Variants in PCDHA8 observed in about 807,000 individuals in gnomAD.
PCDHA8 encodes protocadherin alpha-8.
In PCDHA8, 53 loss-of-function variants were observed where a neutral mutation model predicts 61.8. The observed-to-expected ratio is 0.86, with a 90% CI of 0.69 to 1.08. The LOEUF is 1.08. PCDHA8 is among the 50% of genes least tolerant of loss of function. The pLI is 0.00. For synonymous variants in PCDHA8, 618 were observed against 556.6 expected (o/e 1.11, Z -1.55); for missense variants, 1,293 against 1,245.0 (o/e 1.04, Z -0.58).
rs1554217734 is a variant in PCDHA8, at chr5:140,946,611, AATATATAT to A, written c.2395-32324_2395-32317del. Among the ~76,000 whole-genome samples, 24 of 86,806 alleles carry A rather than the reference AATATATAT, an allele frequency of 2.8e-4. 1 individual carries two copies. Among genetic ancestry groups the A allele is most frequent in the African/African-American group, 1.5e-3 (23 of 15,698 alleles). 56.9% of individuals were successfully genotyped at this position (86,806 alleles called of 152,430 possible). On this transcript the variant is annotated intron_variant, in intron 1 of 3. Coordinates refer to ENST00000531613, the MANE Select transcript of PCDHA8 (RefSeq NM_018911.3). ...GGATGAATAGATAAAGAAAATGTGA[AATATATAT>A]ATATATATATATACAATGGAATACT... is the stretch of plus-strand genomic sequence containing the variant.
At chr5:140,883,106 T>C (rs782515785) in intron 1 of PCDHA8, 3 of 1,614,124 alleles carry the variant, frequency 1.9e-6, no homozygotes, top group Non-Finnish European at 2.5e-6. Context: ...TATAGTTTAC[T>C]CATTTAGAAG....
At chr5:140,887,059 C>G (rs1474485995) in intron 1 of PCDHA8, among the ~76,000 whole-genome samples, 1 of 151,642 alleles carries the variant, frequency 6.6e-6, no homozygotes, top group Non-Finnish European at 1.5e-5. Flanking sequence ...TATGTTCTGG[C>G]AACAAATTCA....
At chr5:140,926,947 G>C in intron 1 of PCDHA8, 1 of 1,590,600 alleles carries the variant, frequency 6.3e-7, no homozygotes, top group Non-Finnish European at 8.6e-7. Context: ...CGGCGCTGCA[G>C]CGGGACAGCT....
intron 1 of PCDHA8, chr5:140,856,526 G>C (rs1461628453): frequency 6.3e-7 from 1 of 1,598,340 alleles, no homozygotes; most frequent in Non-Finnish European, 8.6e-7. Context: ...ATCTGATGCG[G>C]ATGTTGGAGA....
At chr5:140,851,067 G>T in intron 1 of PCDHA8, 7 of 1,367,668 alleles carry the variant, frequency 5.1e-6, no homozygotes, top group Non-Finnish European at 6.7e-6. Context: ...CTTCTAGTGA[G>T]AATTATAAAC....
intron 1 of PCDHA8, among the ~76,000 whole-genome samples, chr5:140,886,356 T>C (rs1457178977): frequency 1.3e-5 from 2 of 152,194 alleles, no homozygotes; most frequent in South Asian, 2.1e-4. Flanking sequence ...GTTTGTTACA[T>C]AGGTGTACAT....
intron 1 of PCDHA8, chr5:140,848,442 T>C: frequency 1.3e-6 from 2 of 1,489,558 alleles, no homozygotes; most frequent in Non-Finnish European, 1.8e-6. Context: ...ATCAGATGAT[T>C]TCTTCTAATT....
At chr5:140,966,172 G>A in intron 1 of PCDHA8, 1 of 184,672 alleles carries the variant, frequency 5.4e-6, no homozygotes, top group East Asian at 1.4e-4. Context: ...TTTTCCTGGG[G>A]AGCTGATAGC....
intron 1 of PCDHA8, among the ~76,000 whole-genome samples, chr5:140,903,212 A>G (rs1387552422): frequency 6.6e-6 from 1 of 152,192 alleles, no homozygotes; most frequent in African/African-American, 2.4e-5. Context: ...CACCACATTC[A>G]TGCCAACATC....
intron 1 of PCDHA8, chr5:140,861,476 C>T: frequency 2.0e-6 from 1 of 493,226 alleles, no homozygotes; most frequent in South Asian, 1.5e-5. Flanking sequence ...TGCAGAATGG[C>T]ATTTTTGTGA....
chr5:140,892,310 A>AT (rs1422110989), intron 1 of PCDHA8, among the ~76,000 whole-genome samples: 1 of 152,230 alleles, frequency 6.6e-6, no homozygotes, highest in Non-Finnish European at 1.5e-5. Flanking sequence ...TTTGGGGCTT[A>AT]TAACATTTTC....
In PCDHA8 at chr5:140,849,582, G is replaced by T. The variant is rs2150441329; in HGVS notation, c.2394+5867G>T. 1.0e-5 allele frequency: 16 copies of T among 1,598,576 alleles called. 1 individual carries two copies. Among genetic ancestry groups the T allele is most frequent in the African/African-American group, 1.3e-5 (1 of 74,328 alleles). On this transcript the variant is annotated intron_variant, in intron 1 of 3. Transcript: ENST00000531613. ...GCTCTCGGTTCCTGTAAAAGAGGAC[G>T]CACAACTGGGGACAGTTATTGCCCT...
intron 1 of PCDHA8, chr5:140,852,273 G>A: frequency 4.0e-6 from 2 of 502,850 alleles, no homozygotes; most frequent in Non-Finnish European, 5.3e-6. Context: ...AATATTACAT[G>A]TTTTTTGTCT....
chr5:140,876,031 G>C, intron 1 of PCDHA8: 2 of 1,613,702 alleles, frequency 1.2e-6, no homozygotes, highest in Non-Finnish European at 1.7e-6. Flanking sequence ...AACAAAAAAA[G>C]ATAAAAGTAT....
Position 140,994,560 on chromosome 5 carries a change from C to T in PCDHA8, c.2542+11997C>T, listed in dbSNP as rs140191916. Among the ~76,000 whole-genome samples, 970 of 152,032 alleles carry T rather than the reference C, an allele frequency of 6.4e-3. 14 individuals carry two copies. Among genetic ancestry groups the T allele is most frequent in the African/African-American group, 0.023 (943 of 41,474 alleles). On this transcript the variant is annotated intron_variant, in intron 3 of 3. Coordinates refer to ENST00000531613, the MANE Select transcript of PCDHA8 (RefSeq NM_018911.3). ...TCTACAAAAAAAATATAAAAATTAG[C>T]CGGGTGTGGTGGCATGCACTTGTAG...
At chr5:140,856,003 T>G (rs1554148087) in intron 1 of PCDHA8, 3 of 1,536,896 alleles carry the variant, frequency 2.0e-6, no homozygotes, top group Non-Finnish European at 2.6e-6. Flanking sequence ...CGTATGTGCG[T>G]TCTAGACCGC....
In PCDHA8 at chr5:140,852,910, G is replaced by C. The variant is rs2150524838; in HGVS notation, c.2394+9195G>C. 404 of 797,110 alleles carry C rather than the reference G, an allele frequency of 5.1e-4. 8 individuals are homozygous for C. In the South Asian group the frequency reaches 0.02, roughly 39 times the overall value. 49.4% of individuals were successfully genotyped at this position (797,110 alleles called of 1,614,324 possible). A position where few individuals can be genotyped will look rare whatever the true frequency, so the allele number is the denominator to read the frequency against. ...ATTTTTTTTTTTGAGTCAGAGTCTCGCTCTGTTGCCCAGGCTGGAGTGCAG... is the reference window on the plus strand; with the variant it reads ...ATTTTTTTTTTTGAGTCAGAGTCTCCCTCTGTTGCCCAGGCTGGAGTGCAG... On this transcript the variant is annotated intron_variant, in intron 1 of 3. Transcript: ENST00000531613.
chr5:140,874,970 G>T (rs186825854), intron 1 of PCDHA8, among the ~76,000 whole-genome samples: 6 of 152,162 alleles, frequency 3.9e-5, no homozygotes, highest in Non-Finnish European at 7.4e-5. Flanking sequence ...AAGGGGAGGG[G>T]TGCTGTATAT....
intron 1 of PCDHA8, chr5:140,883,224 C>T (rs782659730): frequency 1.2e-6 from 2 of 1,613,946 alleles, no homozygotes; most frequent in Non-Finnish European, 1.7e-6. Flanking sequence ...TATGAAATAT[C>T]CGTGGAGGCA....
Sources: allele counts gnomAD v4.1 joint callset (sites outside exome capture counted in the v4.1 genomes callset), GRCh38; gene constraint gnomAD v4.1.1; transcripts MANE v1.5; gene names NCBI Gene and HGNC (gene_info 2026-07-23, HGNC 2026-07-21).